Variants in EHD3 observed in about 807,000 individuals in gnomAD.
The protein encoded by EHD3 is EH domain-containing protein 3.
Under a neutral mutation model 43.0 loss-of-function variants are expected in EHD3, and 17 were observed. The observed-to-expected ratio is 0.40, with a 90% CI of 0.27 to 0.59. The LOEUF is 0.59. EHD3 is among the 20% of genes least tolerant of loss of function. The pLI is 0.49. For missense variants in EHD3, 594 were observed against 705.6 expected (o/e 0.84, Z 1.79); for synonymous variants, 313 against 289.5 (o/e 1.08, Z -0.82).
Position 31,266,573 on chromosome 2 carries a change from G to A in EHD3, c.1477G>A (p.Asp493Asn). 1.2e-6 allele frequency: 2 copies of A among 1,614,180 alleles called. No homozygotes were observed. Among genetic ancestry groups the A allele is most frequent in the Middle Eastern group, 3.3e-4 (2 of 6,062 alleles). The change falls in exon 6 of 6, where the codon GAT becomes AAT. Residue 493 changes from aspartate to asparagine, a missense_variant. By Grantham distance (23) the Asp-to-Asn change is conservative (BLOSUM62 1). Around this residue, in one of 3 missense-constraint regions of EHD3, gnomAD observed 322 missense variants for 348.0 expected, o/e 0.93. Transcript: ENST00000322054. This position sits in a 1 kb window ranked among gnomAD's most constrained non-coding sequence, Gnocchi z 5.1. ...KIWKLADIDK[D>N]GMLDDDEFAL... ...CTGGAAGCTGGCCGACATTGACAAG[G>A]ATGGCATGCTGGACGACGACGAGTT... is the stretch of plus-strand genomic sequence containing the variant.
intron 1 of EHD3, 110 bp from the exon 2 acceptor site, chr2:31,244,164 C>A: frequency 9.9e-7 from 1 of 1,011,986 alleles, no homozygotes; most frequent in Non-Finnish European, 1.4e-6. Flanking sequence ...GATCTTGCTG[C>A]GGTGGCCCTG....
chr2:31,248,935 T>A (rs1683581186), intron 2 of EHD3, among the ~76,000 whole-genome samples: 1 of 151,844 alleles, frequency 6.6e-6, no homozygotes, highest in African/African-American at 2.4e-5. Context: ...AGCCAGGGGG[T>A]CTTCTCATTG....
At chr2:31,254,363 T>TA (rs1177525958) in intron 3 of EHD3, among the ~76,000 whole-genome samples, 1 of 152,160 alleles carries the variant, frequency 6.6e-6, no homozygotes, top group Non-Finnish European at 1.5e-5. Flanking sequence ...AGCCTGCACT[T>TA]AAAGGCCTCT....
chr2:31,260,618 T>TC lies in EHD3; in HGVS notation c.612dup (p.Lys205GlnfsTer18). On this transcript the variant is annotated frameshift_variant, in exon 4 of 6. Coordinates refer to ENST00000322054, the MANE Select transcript of EHD3 (RefSeq NM_014600.3). LOFTEE classifies it high-confidence loss of function. This position sits in a 1 kb window ranked among gnomAD's most constrained non-coding sequence, Gnocchi z 4.6. ...ATCTCTGATGAGTTCTCAGAAGTCA[T>TC]CAAAGCCCTCAAGAACCACGAGGAC... The TC allele has an allele frequency of 6.2e-7, 1 of 1,614,168 alleles. No individual in the cohort carries two copies. The highest frequency in any genetic ancestry group is 8.5e-7 in the Non-Finnish European group (1 of 1,180,046).
chr2:31,260,805 C>T lies in EHD3; in HGVS notation c.798C>T (p.Asp266=), dbSNP rs1263807676. 2 of 1,614,108 alleles carry T rather than the reference C, an allele frequency of 1.2e-6. No individual in the cohort carries two copies. Among genetic ancestry groups the T allele is most frequent in the African/African-American group, 1.3e-5 (1 of 74,936 alleles). The change falls in exon 4 of 6, where the codon GAC becomes GAT. Residue 266 remains aspartate, a synonymous_variant. Coordinates refer to ENST00000322054, the MANE Select transcript of EHD3 (RefSeq NM_014600.3). The surrounding 1 kb of genome is among the most constrained non-coding windows in gnomAD (Gnocchi z 4.6). The part of the protein sequence containing the change: ...SFWSHPLLIP[D]NRKLFEAEEQ... ...GGTCCCACCCCCTCCTCATCCCTGACAACCGGAAGCTCTTTGAGGCTGAGG... is the reference window on the plus strand; with the variant it reads ...GGTCCCACCCCCTCCTCATCCCTGATAACCGGAAGCTCTTTGAGGCTGAGG...
intron 1 of EHD3, among the ~76,000 whole-genome samples, chr2:31,235,397 C>T (rs1445015189): frequency 1.3e-5 from 2 of 152,082 alleles, no homozygotes; most frequent in African/African-American, 4.8e-5. Context: ...AAGCAGAGCT[C>T]CTGTGTATAT....
In EHD3 at chr2:31,249,455, G is replaced by A; in HGVS notation, c.489G>A (p.Gln163=). 1 of 1,614,152 alleles carries A rather than the reference G, an allele frequency of 6.2e-7. No homozygotes were observed. Among genetic ancestry groups the A allele is most frequent in the Non-Finnish European group, 8.5e-7 (1 of 1,180,006 alleles). The change falls in exon 3 of 6, where the codon CAG becomes CAA. Residue 163 remains glutamine, a synonymous_variant. Coordinates refer to ENST00000322054, the MANE Select transcript of EHD3 (RefSeq NM_014600.3). ...DTPGILSGEK[Q]RISRGYDFAA... is the part of the protein sequence containing the mutation. Reference sequence around the variant, plus strand: ...CAGGGATCCTCTCTGGGGAGAAGCAGAGGATCAGCCGGGGTAAGCAACCTG... The same window carrying A: ...CAGGGATCCTCTCTGGGGAGAAGCAAAGGATCAGCCGGGGTAAGCAACCTG...
chr2:31,262,293 G>T (rs1683872007), intron 5 of EHD3, among the ~76,000 whole-genome samples: 1 of 152,154 alleles, frequency 6.6e-6, no homozygotes, highest in African/African-American at 2.4e-5. Context: ...AAGAAACAGA[G>T]GTCTCAGCAT....
In EHD3 at chr2:31,267,676, G is replaced by C. The variant is rs1321150017; in HGVS notation, c.*972G>C. On this transcript the variant is annotated 3_prime_UTR_variant, in exon 6 of 6. Coordinates refer to ENST00000322054, the MANE Select transcript of EHD3 (RefSeq NM_014600.3). ...ACTCACAGAAGTCACGTGATGGAGA[G>C]AGGATTCAAAGCCAGGGCCTCAGAC... is the stretch of plus-strand genomic sequence containing the variant. 2 of 152,534 alleles carry C rather than the reference G, an allele frequency of 1.3e-5. No homozygotes were observed. Among genetic ancestry groups the C allele is most frequent in the Non-Finnish European group, 2.9e-5 (2 of 68,038 alleles). 9.4% of individuals were successfully genotyped at this position (152,534 alleles called of 1,614,324 possible). A position where few individuals can be genotyped will look rare whatever the true frequency, so the allele number is the denominator to read the frequency against.
chr2:31,262,128 G>A (rs1191255020), intron 5 of EHD3, among the ~76,000 whole-genome samples: 3 of 152,184 alleles, frequency 2.0e-5, no homozygotes, highest in Non-Finnish European at 4.4e-5. Flanking sequence ...TCTGGGACAC[G>A]AGCTTCGGGG....
Position 31,234,865 on chromosome 2 carries a change from T to A in EHD3, c.227+17T>A. 3.1e-6 allele frequency: 5 copies of A among 1,613,286 alleles called. No individual in the cohort carries two copies. The highest frequency in any genetic ancestry group is 4.2e-6 in the Non-Finnish European group (5 of 1,179,444). On this transcript the variant is annotated intron_variant, in intron 1 of 5. Coordinates refer to ENST00000322054, the MANE Select transcript of EHD3 (RefSeq NM_014600.3). ...CTTCATCAGGTGAGCCGGCCCAGGG[T>A]CCTGGCAGCCCACCCCGGAGCCCAG...
chr2:31,234,787 G>C lies in EHD3; in HGVS notation c.166G>C (p.Asp56His), dbSNP rs563243021. The change falls in exon 1 of 6, where the codon GAC (aspartate) becomes CAC (histidine). Residue 56 changes from aspartate to histidine, a missense_variant. Physicochemically the swap from Asp to His is moderately conservative, Grantham distance 81 (BLOSUM62 -1). Around this residue, in one of 3 missense-constraint regions of EHD3, gnomAD observed 243 missense variants for 296.7 expected, o/e 0.82. Transcript: ENST00000322054. ...HSPALEDADF[D>H]NKPMVLLVGQ... ...GCCCGCCCTGGAGGATGCCGACTTCGACAACAAGCCCATGGTTCTGCTGGT... is the reference window on the plus strand; with the variant it reads ...GCCCGCCCTGGAGGATGCCGACTTCCACAACAAGCCCATGGTTCTGCTGGT... 7.5e-5 allele frequency: 121 copies of C among 1,614,142 alleles called. No homozygotes were observed. In the East Asian group the frequency reaches 2.1e-3, roughly 28 times the overall value.
At chr2:31,235,206 C>G (rs1421228880) in intron 1 of EHD3, among the ~76,000 whole-genome samples, 1 of 152,098 alleles carries the variant, frequency 6.6e-6, no homozygotes, top group East Asian at 1.9e-4. Context: ...GTGGGGATGT[C>G]TTACGTCTTC....
At chr2:31,263,820 C>G (rs1255552512) in intron 5 of EHD3, among the ~76,000 whole-genome samples, 1 of 152,164 alleles carries the variant, frequency 6.6e-6, no homozygotes, top group Non-Finnish European at 1.5e-5. Context: ...GTGGCCAGAG[C>G]CAGGGTAGGA....
chr2:31,266,918 A>G lies in EHD3; in HGVS notation c.*214A>G, dbSNP rs1045200500. On this transcript the variant is annotated 3_prime_UTR_variant, in exon 6 of 6. Coordinates refer to ENST00000322054, the MANE Select transcript of EHD3 (RefSeq NM_014600.3). This position sits in a 1 kb window ranked among gnomAD's most constrained non-coding sequence, Gnocchi z 5.1. ...CCAAGTTCTCGGGATTAGAAGGACA[A>G]GAGCACTCCCAGGCCCCAGAGTCTA... 3 of 603,678 alleles carry G rather than the reference A, an allele frequency of 5.0e-6. No homozygotes were observed. The highest frequency in any genetic ancestry group is 6.2e-5 in the Admixed American group (2 of 32,178). 37.4% of individuals were successfully genotyped at this position (603,678 alleles called of 1,614,324 possible). A position where few individuals can be genotyped will look rare whatever the true frequency, so the allele number is the denominator to read the frequency against.
At chr2:31,243,460 C>CTTTTTTTTTTTTTTT (rs1309146980) in intron 1 of EHD3, among the ~76,000 whole-genome samples, 13 of 98,466 alleles carry the variant, frequency 1.3e-4, no homozygotes, top group African/African-American at 2.3e-4. Flanking sequence ...TTCTTTCTTT[C>CTTTTTTTTTTTTTTT]TTTTTTTTTT....
At chr2:31,240,295 T>G (rs1683399070) in intron 1 of EHD3, among the ~76,000 whole-genome samples, 1 of 152,158 alleles carries the variant, frequency 6.6e-6, no homozygotes, top group East Asian at 1.9e-4. Flanking sequence ...TGGCCTGAAT[T>G]AACTTTTCTT....
At chr2:31,243,257 G>A (rs1413621014) in intron 1 of EHD3, among the ~76,000 whole-genome samples, 3 of 152,060 alleles carry the variant, frequency 2.0e-5, no homozygotes, top group African/African-American at 4.8e-5. Context: ...CAGCCTGGGC[G>A]ACGGAATGAC....
In EHD3 at chr2:31,266,529, A is replaced by G. The variant is rs147406143; in HGVS notation, c.1433A>G (p.Asn478Ser). Residue 478 changes from asparagine (N) to serine (S), a missense_variant, in exon 6 of 6, where the codon AAC (asparagine) becomes AGC (serine). Coordinates refer to ENST00000322054, the MANE Select transcript of EHD3 (RefSeq NM_014600.3). The surrounding 1 kb of genome is among the most constrained non-coding windows in gnomAD (Gnocchi z 5.1). ...KKEMVRSKLPNSVLGKIWKLA... is the reference protein window; with the variant it reads ...KKEMVRSKLPSSVLGKIWKLA... ...GAGATGGTGCGCTCCAAGCTGCCCA[A>G]CAGTGTGCTGGGCAAGATCTGGAAG... The G allele has an allele frequency of 1.2e-4, 197 of 1,614,032 alleles. No individual in the cohort carries two copies. In the African/African-American group the frequency reaches 1.8e-3, roughly 15 times the overall value.
Sources: allele counts gnomAD v4.1 joint callset (sites outside exome capture counted in the v4.1 genomes callset), GRCh38; gene constraint gnomAD v4.1.1; regional missense constraint gnomAD v4.1.1; non-coding constraint Gnocchi (gnomAD v3.1); transcripts MANE v1.5; gene names NCBI Gene and HGNC (gene_info 2026-07-23, HGNC 2026-07-21).